The following RALGAPA2 variants were observed in gnomAD, a reference collection of about 807,000 sequenced individuals.
RALGAPA2 encodes Ral GTPase activating protein catalytic subunit alpha 2.
RALGAPA2 carries 139 observed loss-of-function variants against 230.4 expected under a neutral mutation model. That is an observed-to-expected ratio of 0.60 (90% CI 0.53 to 0.69). The LOEUF (loss-of-function observed/expected upper bound fraction) is 0.69, where lower values mean the gene tolerates loss of function less well. Ranked by LOEUF, RALGAPA2 falls within the 30% of genes least tolerant of loss-of-function variation. The probability of loss-of-function intolerance (pLI) is 0.00; values close to 1 mark genes in which losing one functional copy is unlikely to be tolerated. For synonymous variants in RALGAPA2, 847 were observed against 837.8 expected, an observed-to-expected ratio of 1.01 and a Z score of -0.19; for missense variants, 2,163 against 2,276.0, an observed-to-expected ratio of 0.95 and a Z score of 1.01.
intron 23 of RALGAPA2, among the ~76,000 whole-genome samples, chr20:20,547,109 T>C (rs977286949): frequency 6.6e-6 from 1 of 152,160 alleles, no homozygotes; most frequent in Non-Finnish European, 1.5e-5. Flanking sequence ...CGTGTAAAGG[T>C]AGGCTCCTTG....
At chr20:20,498,455 C>A (rs770843039) in intron 35 of RALGAPA2, among the ~76,000 whole-genome samples, 1 of 152,230 alleles carries the variant, frequency 6.6e-6, no homozygotes, top group African/African-American at 2.4e-5. Context: ...CCAGGCTGCA[C>A]GCCACTGGTG....
chr20:20,671,164 C>T (rs1230511007), intron 3 of RALGAPA2, among the ~76,000 whole-genome samples: 1 of 152,186 alleles, frequency 6.6e-6, no homozygotes, highest in Non-Finnish European at 1.5e-5. Flanking sequence ...ACATCACTTA[C>T]TTTATCAGAA....
At chr20:20,530,813 C>T (rs2063349582) in intron 27 of RALGAPA2, among the ~76,000 whole-genome samples, 1 of 152,142 alleles carries the variant, frequency 6.6e-6, no homozygotes, top group Admixed American at 6.5e-5. Flanking sequence ...GTTCCTCCAC[C>T]AGTAAACTGA....
At position 20,505,435 on chromosome 20, in the gene RALGAPA2, G is replaced by A. The variant is rs142962992; in HGVS notation, c.5028C>T (p.Asp1676=). 1.2e-6 allele frequency: 2 copies of A among 1,601,278 alleles called. No individual in the cohort carries two copies. The highest frequency in any genetic ancestry group is 2.7e-5 in the African/African-American group (2 of 74,854). The change falls in exon 34 of 40, where the codon GAC becomes GAT. Residue 1676 remains aspartate (D), a synonymous_variant. Coordinates refer to ENST00000202677, the MANE Select transcript of RALGAPA2 (RefSeq NM_020343.4). ...CCTCCCATCCAAGTCCAGCAACAAA[G>A]TCTTCATATGCTTGGCTTCCTCTTT... ...SNERGSQAYE[D]FVAGLGWEVD...
intron 8 of RALGAPA2, among the ~76,000 whole-genome samples, chr20:20,636,854 C>T (rs1022891974): frequency 2.0e-5 from 3 of 152,060 alleles, no homozygotes; most frequent in African/African-American, 4.8e-5. Flanking sequence ...TTTCCTAGTC[C>T]TCTGGGGCTT....
chr20:20,456,409 C>T (rs2061120946), intron 37 of RALGAPA2, among the ~76,000 whole-genome samples: 1 of 152,230 alleles, frequency 6.6e-6, no homozygotes, highest in African/African-American at 2.4e-5. Context: ...CTATGGAAGA[C>T]AGAGAGAAAT....
At position 20,482,830 on chromosome 20, in the gene RALGAPA2, A is replaced by G. The variant is rs866631399; in HGVS notation, c.5368-9874T>C. On this transcript the variant is annotated intron_variant, in intron 36 of 39. Coordinates refer to ENST00000202677, the MANE Select transcript of RALGAPA2 (RefSeq NM_020343.4). ...TAGGTATGTACGGAAATGCATACAGATAAGAGAAAAGGCTGAAGAACAGGT... is the reference window on the plus strand; with the variant it reads ...TAGGTATGTACGGAAATGCATACAGGTAAGAGAAAAGGCTGAAGAACAGGT... 2.4e-4 allele frequency among the ~76,000 whole-genome samples: 37 copies of G among 152,186 alleles called. 1 individual carries two copies. The highest frequency in any genetic ancestry group is 1.9e-3 in the Admixed American group (29 of 15,280).
chr20:20,434,830 G>A (rs2060574688), intron 37 of RALGAPA2, among the ~76,000 whole-genome samples: 3 of 152,142 alleles, frequency 2.0e-5, no homozygotes, highest in Admixed American at 6.5e-5. Context: ...TGGTTACTTG[G>A]GAGGATGAGG....
chr20:20,543,068 G>T (rs567821165), intron 24 of RALGAPA2, among the ~76,000 whole-genome samples: 2 of 151,116 alleles, frequency 1.3e-5, no homozygotes, highest in African/African-American at 2.4e-5. Flanking sequence ...TTTTTTAGAC[G>T]GAGTCATGCT....
At chr20:20,478,934 G>GA (rs984605243) in intron 36 of RALGAPA2, among the ~76,000 whole-genome samples, 45 of 145,878 alleles carry the variant, frequency 3.1e-4, no homozygotes, top group African/African-American at 9.6e-4. Flanking sequence ...GGTGAATCAA[G>GA]AAAAAAAAAG....
At chr20:20,431,206 G>A (rs1158425823) in intron 37 of RALGAPA2, among the ~76,000 whole-genome samples, 5 of 152,202 alleles carry the variant, frequency 3.3e-5, no homozygotes, top group African/African-American at 1.2e-4. Flanking sequence ...CCAGAGAACT[G>A]GGGAACACAG....
intron 31 of RALGAPA2, among the ~76,000 whole-genome samples, chr20:20,516,538 C>G (rs1335704586): frequency 6.6e-6 from 1 of 152,180 alleles, no homozygotes; most frequent in South Asian, 2.1e-4. Flanking sequence ...AGGTCCTGAG[C>G]CTGTCGAAGT....
chr20:20,553,244 C>T (rs911926815), intron 23 of RALGAPA2, among the ~76,000 whole-genome samples: 9 of 152,140 alleles, frequency 5.9e-5, no homozygotes, highest in African/African-American at 2.2e-4. Context: ...TTGGGTTCTG[C>T]ACCTGGAGAA....
chr20:20,647,542 C>T (rs1163455663), intron 4 of RALGAPA2, among the ~76,000 whole-genome samples: 2 of 152,186 alleles, frequency 1.3e-5, no homozygotes, highest in Non-Finnish European at 2.9e-5. Context: ...ATCTTTGTGA[C>T]TTTGGGTTAG....
intron 37 of RALGAPA2, among the ~76,000 whole-genome samples, chr20:20,434,168 CA>C (rs2060558395): frequency 6.6e-6 from 1 of 152,036 alleles, no homozygotes; most frequent in African/African-American, 2.4e-5. Flanking sequence ...AAAATGAAGA[CA>C]AAAATAAAAC....
At chr20:20,527,226 G>T (rs1245377505) in intron 27 of RALGAPA2, among the ~76,000 whole-genome samples, 8 of 152,150 alleles carry the variant, frequency 5.3e-5, no homozygotes, top group Non-Finnish European at 1.2e-4. Context: ...AACTTTTAGT[G>T]CCCCAGTGAC....
intron 24 of RALGAPA2, among the ~76,000 whole-genome samples, chr20:20,540,400 T>C (rs868637077): frequency 4.6e-5 from 7 of 152,334 alleles, no homozygotes; most frequent in Middle Eastern, 6.8e-3. Flanking sequence ...GATAGTTAAA[T>C]GTATATAACA....
chr20:20,502,752 G>A (rs995680846), intron 35 of RALGAPA2, among the ~76,000 whole-genome samples: 1 of 152,170 alleles, frequency 6.6e-6, no homozygotes, highest in Non-Finnish European at 1.5e-5. Context: ...GCTCTGAGAC[G>A]TTCTCCTCAT....
At chr20:20,424,599 T>G (rs1204837584) in intron 37 of RALGAPA2, among the ~76,000 whole-genome samples, 2 of 152,156 alleles carry the variant, frequency 1.3e-5, no homozygotes, top group Non-Finnish European at 2.9e-5. Flanking sequence ...ACTCCCAACC[T>G]TAATATAGAA....
Sources: allele counts gnomAD v4.1 joint callset (sites outside exome capture counted in the v4.1 genomes callset), GRCh38; gene constraint gnomAD v4.1.1; transcripts MANE v1.5; gene names NCBI Gene and HGNC (gene_info 2026-07-23, HGNC 2026-07-21).